The following ANKRD44 variants were observed in gnomAD, a reference collection of about 807,000 sequenced individuals.
The protein encoded by ANKRD44 is ankyrin repeat domain 44.
ANKRD44 carries 35 observed loss-of-function variants against 116.0 expected under a neutral mutation model. The ratio of observed to expected loss-of-function variants is 0.30; its 90% CI spans 0.23 to 0.40. The LOEUF is 0.40. Among genes scored for constraint, ANKRD44 ranks in the 10% least tolerant of loss-of-function variants. The pLI is 1.00. For missense variants in ANKRD44, 1,014 were observed against 1,242.6 expected (o/e 0.82, Z 2.77); for synonymous variants, 435 against 461.8 (o/e 0.94, Z 0.74).
In ANKRD44 at chr2:197,167,591, G is replaced by A. The variant is rs149590126; in HGVS notation, c.111+19432C>T. ...GTTACTTTGTCAATGAAGCCCACCA[G>A]AATGCATCTAAGAGCAGGGGTTTTG... On this transcript the variant is annotated intron_variant, in intron 2 of 27. Coordinates refer to ENST00000282272, the MANE Select transcript of ANKRD44 (RefSeq NM_001195144.2). 2.2e-3 allele frequency among the ~76,000 whole-genome samples: 330 copies of A among 152,324 alleles called. 3 individuals are homozygous for A. Among genetic ancestry groups the A allele is most frequent in the African/African-American group, 7.4e-3 (306 of 41,574 alleles).
chr2:197,063,968 T>C (rs562923470), intron 16 of ANKRD44, among the ~76,000 whole-genome samples: 28 of 152,160 alleles, frequency 1.8e-4, no homozygotes, highest in African/African-American at 6.7e-4. Context: ...AAGATACTCC[T>C]CGAGAAGAGC....
intron 1 of ANKRD44, among the ~76,000 whole-genome samples, chr2:197,309,599 A>G (rs2084178786): frequency 6.6e-6 from 1 of 152,204 alleles, no homozygotes; most frequent in African/African-American, 2.4e-5. Context: ...CTGACCCTGT[A>G]GTCAAAGTCA....
intron 5 of ANKRD44, 78 bp from the exon 6 acceptor site, chr2:197,125,546 GC>G: frequency 1.5e-6 from 2 of 1,320,420 alleles, no homozygotes; most frequent in Non-Finnish European, 2.2e-6. Flanking sequence ...GATGATCTGA[GC>G]CAAATTAACA....
chr2:197,255,102 C>T (rs2082414136), intron 1 of ANKRD44, among the ~76,000 whole-genome samples: 1 of 152,198 alleles, frequency 6.6e-6, no homozygotes, highest in Non-Finnish European at 1.5e-5. Context: ...GTCAGTCTCT[C>T]TTTGGCTGAA....
chr2:197,146,485 G>A (rs1270682365), intron 3 of ANKRD44, among the ~76,000 whole-genome samples: 1 of 151,812 alleles, frequency 6.6e-6, no homozygotes, highest in East Asian at 1.9e-4. Context: ...ATATATATAT[G>A]GCATATATAC....
intron 16 of ANKRD44, among the ~76,000 whole-genome samples, chr2:197,034,276 T>TCTGC (rs1167288035): frequency 6.6e-6 from 1 of 152,086 alleles, no homozygotes; most frequent in African/African-American, 2.4e-5. Flanking sequence ...AGCAATGAGT[T>TCTGC]CTGCACATAG....
At chr2:197,197,680 C>G (rs190722268) in intron 1 of ANKRD44, among the ~76,000 whole-genome samples, 46 of 151,892 alleles carry the variant, frequency 3.0e-4, no homozygotes, top group Non-Finnish European at 5.9e-4. Context: ...CACGGTGGCG[C>G]ACACCTGTAG....
At chr2:197,243,039 T>C (rs963662741) in intron 1 of ANKRD44, among the ~76,000 whole-genome samples, 1 of 152,242 alleles carries the variant, frequency 6.6e-6, no homozygotes, top group Non-Finnish European at 1.5e-5. Flanking sequence ...ACAGCTCTGC[T>C]GGAACTCAGT....
chr2:196,973,140 G>A (rs2075727341), intron 21 of ANKRD44, among the ~76,000 whole-genome samples: 1 of 151,920 alleles, frequency 6.6e-6, no homozygotes, highest in African/African-American at 2.4e-5. Context: ...CAATATTTTG[G>A]GTGAAAAATA....
intron 1 of ANKRD44, among the ~76,000 whole-genome samples, chr2:197,245,000 T>C (rs1022374184): frequency 7.2e-5 from 11 of 151,972 alleles, no homozygotes; most frequent in African/African-American, 2.7e-4. Context: ...AAAGGCCGGG[T>C]GTGGTAGCTC....
chr2:197,109,981 AT>A (rs35431039), intron 9 of ANKRD44, among the ~76,000 whole-genome samples: 27,066 of 148,432 alleles, frequency 0.18, 2,718 homozygotes, highest in African/African-American at 0.26. Flanking sequence ...AAGCCTGTGA[AT>A]TTTTTTTTTT....
At chr2:196,990,933 C>T (rs778023463) in intron 27 of ANKRD44, 47 of 1,231,956 alleles carry the variant, frequency 3.8e-5, no homozygotes, top group Admixed American at 1.3e-4. Flanking sequence ...ATGACCTGGG[C>T]GTAAATGCAG....
intron 16 of ANKRD44, among the ~76,000 whole-genome samples, chr2:197,068,393 A>AT (rs538490252): frequency 6.6e-4 from 45 of 68,242 alleles, no homozygotes; most frequent in Non-Finnish European, 1.2e-3. Context: ...AAAATAAAAA[A>AT]AAAATAAAAA....
At chr2:197,119,292 G>A (rs571100080) in intron 8 of ANKRD44, among the ~76,000 whole-genome samples, 5 of 151,770 alleles carry the variant, frequency 3.3e-5, no homozygotes, top group South Asian at 2.1e-4. Flanking sequence ...AGAATGATTC[G>A]TGGCCTGCAG....
intron 13 of ANKRD44, 27 bp downstream of exon 13, chr2:197,086,653 T>C (rs779683778): frequency 3.7e-6 from 6 of 1,610,206 alleles, no homozygotes; most frequent in East Asian, 2.2e-5. Context: ...ATTTAAGCAC[T>C]TGAAGCACAA....
intron 16 of ANKRD44, among the ~76,000 whole-genome samples, chr2:197,066,451 A>G (rs968659213): frequency 2.6e-5 from 4 of 152,200 alleles, no homozygotes; most frequent in Non-Finnish European, 5.9e-5. Context: ...GCAATCAGGC[A>G]GGAGAAAGAA....
At chr2:197,165,991 G>C (rs1349241251) in intron 2 of ANKRD44, among the ~76,000 whole-genome samples, 5 of 152,178 alleles carry the variant, frequency 3.3e-5, no homozygotes, top group Admixed American at 2.0e-4. Context: ...TACTTTAGTA[G>C]AGGGAACAAA....
At chr2:197,200,589 C>G (rs1044730744) in intron 1 of ANKRD44, among the ~76,000 whole-genome samples, 1 of 152,250 alleles carries the variant, frequency 6.6e-6, no homozygotes, top group Non-Finnish European at 1.5e-5. Context: ...CCAGACAGCA[C>G]GAGCTTGAAA....
chr2:196,974,889 CA>C (rs373485155), intron 21 of ANKRD44, among the ~76,000 whole-genome samples: 40 of 125,072 alleles, frequency 3.2e-4, no homozygotes, highest in Admixed American at 4.2e-4. Flanking sequence ...GACTCCATCT[CA>C]AAAAAAAAAA....
Sources: allele counts gnomAD v4.1 joint callset (sites outside exome capture counted in the v4.1 genomes callset), GRCh38; gene constraint gnomAD v4.1.1; transcripts MANE v1.5; gene names NCBI Gene and HGNC (gene_info 2026-07-23, HGNC 2026-07-21).